COL8A1: variants seen among roughly 807,000 people sequenced by gnomAD.
The protein encoded by COL8A1 is collagen alpha-1(VIII) chain.
Under a neutral mutation model 42.7 loss-of-function variants are expected in COL8A1, and 21 were observed. The observed-to-expected ratio is 0.49, with a 90% CI of 0.35 to 0.71. The LOEUF is 0.71. Ranked by LOEUF, COL8A1 falls within the 30% of genes least tolerant of loss-of-function variation. The pLI is 0.01. For synonymous variants in COL8A1, 367 were observed against 369.1 expected, an observed-to-expected ratio of 0.99 and a Z score of 0.06; for missense variants, 788 against 962.4, an observed-to-expected ratio of 0.82 and a Z score of 2.40.
In COL8A1 at chr3:99,734,137, G is replaced by C. The variant is rs563992921; in HGVS notation, c.-128-10760G>C. Among the ~76,000 whole-genome samples, 236 of 151,684 alleles carry C rather than the reference G, an allele frequency of 1.6e-3. 1 individual carries two copies. Among genetic ancestry groups the C allele is most frequent in the Non-Finnish European group, 2.8e-3 (188 of 67,972 alleles). On this transcript the variant is annotated intron_variant, in intron 1 of 3. Coordinates refer to ENST00000652472, the MANE Select transcript of COL8A1 (RefSeq NM_020351.4). The stretch of plus-strand genomic sequence containing the variant: ...TGATGGTAGTTTCTTTTGCTGTGCA[G>C]AAGCTCTTTAGTTTAATTAGATCCC...
chr3:99,738,380 T>C (rs921692870), intron 1 of COL8A1, among the ~76,000 whole-genome samples: 1 of 152,224 alleles, frequency 6.6e-6, no homozygotes, highest in African/African-American at 2.4e-5. Flanking sequence ...TCTTTAATGA[T>C]GGTGATGTAC....
At chr3:99,738,331 C>G (rs1398536555) in intron 1 of COL8A1, among the ~76,000 whole-genome samples, 2 of 152,118 alleles carry the variant, frequency 1.3e-5, no homozygotes, top group African/African-American at 4.8e-5. Flanking sequence ...TTTTTCTGTT[C>G]TGTTTTTTCC....
intron 1 of COL8A1, among the ~76,000 whole-genome samples, chr3:99,698,846 C>A (rs947670012): frequency 1.3e-5 from 2 of 152,160 alleles, no homozygotes; most frequent in Non-Finnish European, 2.9e-5. Context: ...AAATAGATCA[C>A]CTGCAGCTGT....
At chr3:99,768,222 C>T (rs1208258557) in intron 2 of COL8A1, among the ~76,000 whole-genome samples, 1 of 152,170 alleles carries the variant, frequency 6.6e-6, no homozygotes, top group Non-Finnish European at 1.5e-5. Context: ...CTTTTTTGCA[C>T]AGTTGTTCCT....
chr3:99,710,054 A>G (rs1009771144), intron 1 of COL8A1, among the ~76,000 whole-genome samples: 1 of 152,204 alleles, frequency 6.6e-6, no homozygotes, highest in Non-Finnish European at 1.5e-5. Flanking sequence ...TTCAAATGCC[A>G]TTTAACTCTG....
intron 2 of COL8A1, among the ~76,000 whole-genome samples, chr3:99,757,309 G>T (rs1319706547): frequency 3.3e-5 from 5 of 152,084 alleles, no homozygotes; most frequent in Admixed American, 6.5e-5. Flanking sequence ...TGCAACTCTT[G>T]TCTAATACAC....
chr3:99,700,726 T>C (rs926594130), intron 1 of COL8A1, among the ~76,000 whole-genome samples: 10 of 152,198 alleles, frequency 6.6e-5, no homozygotes, highest in Non-Finnish European at 1.2e-4. Flanking sequence ...CAGCTGATTA[T>C]GAAATCTGAA....
At chr3:99,791,459 T>A (rs1206939327) in intron 3 of COL8A1, among the ~76,000 whole-genome samples, 3 of 152,186 alleles carry the variant, frequency 2.0e-5, no homozygotes, top group Non-Finnish European at 2.9e-5. Flanking sequence ...AGGAAAGCAT[T>A]TTGCGAACTA....
chr3:99,655,372 C>G (rs1232515481), intron 1 of COL8A1, among the ~76,000 whole-genome samples: 1 of 152,210 alleles, frequency 6.6e-6, no homozygotes, highest in African/African-American at 2.4e-5. Context: ...AGGAAACTGT[C>G]TTTACATGGT....
chr3:99,684,944 G>C (rs190294001), intron 1 of COL8A1, among the ~76,000 whole-genome samples: 10 of 152,262 alleles, frequency 6.6e-5, no homozygotes, highest in Admixed American at 6.5e-5. Flanking sequence ...GAAAGGCATT[G>C]CTTTTCTACC....
intron 1 of COL8A1, among the ~76,000 whole-genome samples, chr3:99,696,552 G>A (rs1939372088): frequency 6.6e-6 from 1 of 152,194 alleles, no homozygotes; most frequent in African/African-American, 2.4e-5. Flanking sequence ...AGATTGGAGG[G>A]AACATCCCTC....
At chr3:99,663,561 C>T (rs1057382554) in intron 1 of COL8A1, among the ~76,000 whole-genome samples, 1 of 151,986 alleles carries the variant, frequency 6.6e-6, no homozygotes, top group Non-Finnish European at 1.5e-5. Flanking sequence ...TATAAATTTA[C>T]CAAATTCCAA....
In COL8A1 at chr3:99,774,574, T is replaced by A. The variant is rs115335281; in HGVS notation, c.-3-16106T>A. ...AGAAGCCAGCATGAGATTGTAAAAATGTTGGCAACTATTACCCAAGCCCAA... is the reference window on the plus strand; with the variant it reads ...AGAAGCCAGCATGAGATTGTAAAAAAGTTGGCAACTATTACCCAAGCCCAA... On this transcript the variant is annotated intron_variant, in intron 2 of 3. Coordinates refer to ENST00000652472, the MANE Select transcript of COL8A1 (RefSeq NM_020351.4). Among the ~76,000 whole-genome samples, 1,070 of 152,230 alleles carry A rather than the reference T, an allele frequency of 7.0e-3. 13 individuals are homozygous for A. Among genetic ancestry groups the A allele is most frequent in the African/African-American group, 0.024 (989 of 41,540 alleles).
At chr3:99,785,316 C>T (rs1370917085) in intron 2 of COL8A1, among the ~76,000 whole-genome samples, 1 of 152,118 alleles carries the variant, frequency 6.6e-6, no homozygotes, top group Non-Finnish European at 1.5e-5. Flanking sequence ...CACACTAAGA[C>T]TTTTGATGAT....
chr3:99,766,123 T>C (rs191878665), intron 2 of COL8A1, among the ~76,000 whole-genome samples: 33 of 152,344 alleles, frequency 2.2e-4, no homozygotes, highest in Admixed American at 2.0e-3. Context: ...AAAGGCTATA[T>C]ACTGTATATT....
chr3:99,760,091 AG>A, intron 2 of COL8A1, among the ~76,000 whole-genome samples: 1 of 152,288 alleles, frequency 6.6e-6, no homozygotes, highest in East Asian at 1.9e-4. Context: ...GAATATTGTC[AG>A]TGATGTTGTT....
At position 99,706,654 on chromosome 3, in the gene COL8A1, G is replaced by A. The variant is rs115215123; in HGVS notation, c.-128-38243G>A. On this transcript the variant is annotated intron_variant, in intron 1 of 3. Coordinates refer to ENST00000652472, the MANE Select transcript of COL8A1 (RefSeq NM_020351.4). ...GGACTGGTTAAGTCCAGAGTTTGTC[G>A]GCTGCCTTCACCATAAAACTTAAAT... is the stretch of plus-strand genomic sequence containing the variant. 6.8e-3 allele frequency among the ~76,000 whole-genome samples: 1,030 copies of A among 152,222 alleles called. 7 individuals carry two copies. Among genetic ancestry groups the A allele is most frequent in the South Asian group, 0.021 (102 of 4,828 alleles).
At chr3:99,643,125 G>A (rs1937539625) in intron 1 of COL8A1, among the ~76,000 whole-genome samples, 2 of 152,176 alleles carry the variant, frequency 1.3e-5, no homozygotes, top group Admixed American at 6.5e-5. Context: ...CCCAAGGCTG[G>A]AGTTCATACA....
intron 2 of COL8A1, among the ~76,000 whole-genome samples, chr3:99,749,359 T>A (rs1243565607): frequency 2.6e-5 from 4 of 151,298 alleles, no homozygotes; most frequent in African/African-American, 9.8e-5. Flanking sequence ...TCAAAGCAAT[T>A]TAAAATCATA....
Sources: gnomAD v4.1 joint callset for allele counts (sites outside exome capture counted in the v4.1 genomes callset) on GRCh38, gnomAD v4.1.1 for gene constraint, MANE v1.5 for transcripts, NCBI Gene and HGNC (gene_info 2026-07-23, HGNC 2026-07-21) for gene names.